Variants in BRCA1 observed in about 807,000 individuals in gnomAD.
BRCA1 encodes breast cancer type 1 susceptibility protein.
A neutral mutation model predicts 173.7 loss-of-function variants in BRCA1; 140 were observed. That is an observed-to-expected ratio of 0.81 (90% CI 0.70 to 0.93). The LOEUF is 0.93. Among genes scored for constraint, BRCA1 ranks in the 40% least tolerant of loss-of-function variants. The pLI is 0.00. For missense variants in BRCA1, 1,983 were observed against 2,172.5 expected (o/e 0.91, Z 1.73); for synonymous variants, 662 against 756.0 (o/e 0.88, Z 2.04).
At position 43,111,889 on chromosome 17, in the gene BRCA1, C is replaced by G. The variant is rs555468034; in HGVS notation, c.134+3837G>C. Among the ~76,000 whole-genome samples, 22 of 152,208 alleles carry G rather than the reference C, an allele frequency of 1.4e-4. No individual in the cohort carries two copies. The South Asian group carries it at 4.3e-3, about 30-fold the overall frequency. On this transcript the variant is annotated intron_variant, in intron 3 of 22. Transcript: ENST00000357654. ...AAAAAAAAGATTTCAGAACTTTAGGCTTGCTTGGGTCAATAAAGTTGTTTT... is the reference window on the plus strand; with the variant it reads ...AAAAAAAAGATTTCAGAACTTTAGGGTTGCTTGGGTCAATAAAGTTGTTTT...
At chr17:43,069,263 T>G (rs2052282366) in intron 15 of BRCA1, among the ~76,000 whole-genome samples, 1 of 152,264 alleles carries the variant, frequency 6.6e-6, no homozygotes, top group African/African-American at 2.4e-5. Flanking sequence ...AGAGCAATGC[T>G]GAACTGCTGA....
chr17:43,097,304 C>T lies in BRCA1; in HGVS notation c.548-15G>A, dbSNP rs755221482. ...AGAATCAGATCCTAAAAAATTTCCC[C>T]CCAAAAAATAAATCAATAAAAGTTT... On this transcript the variant is annotated splice_polypyrimidine_tract_variant and intron_variant, in intron 7 of 22. Coordinates refer to ENST00000357654, the MANE Select transcript of BRCA1 (RefSeq NM_007294.4). 6.2e-7 allele frequency: 1 copy of T among 1,608,874 alleles called. No individual in the cohort carries two copies. The highest frequency in any genetic ancestry group is 2.2e-5 in the East Asian group (1 of 44,782).
At chr17:43,048,996 G>T in intron 21 of BRCA1, 125 bp downstream of exon 21, 1 of 873,946 alleles carries the variant, frequency 1.1e-6, no homozygotes, top group Non-Finnish European at 1.9e-6. Context: ...TTTTGGCACA[G>T]GTATGTGGGC....
intron 1 of BRCA1, chr17:43,144,267 A>G: frequency 3.2e-6 from 1 of 307,700 alleles, no homozygotes; most frequent in Non-Finnish European, 6.5e-6. Flanking sequence ...GTAAGGGCGA[A>G]AAGCCCCCTA....
At chr17:43,134,255 C>T (rs1274641132) in intron 1 of BRCA1, among the ~76,000 whole-genome samples, 1 of 152,208 alleles carries the variant, frequency 6.6e-6, no homozygotes, top group Admixed American at 6.5e-5. Context: ...CTCCGCCCCC[C>T]TCCTTCATGA....
At chr17:43,056,399 G>A (rs189148733) in intron 19 of BRCA1, among the ~76,000 whole-genome samples, 51 of 152,140 alleles carry the variant, frequency 3.4e-4, no homozygotes, top group Admixed American at 6.6e-4. Context: ...GGCTGGTATC[G>A]AACTCCTTGG....
At chr17:43,143,022 GTATATATGTGTGTA>G (rs2056089801) in intron 1 of BRCA1, among the ~76,000 whole-genome samples, 1 of 148,598 alleles carries the variant, frequency 6.7e-6, no homozygotes, top group Admixed American at 6.8e-5. Context: ...GCATATATAT[GTATATATGTGTGTA>G]TATATATGTA....
chr17:43,168,221 T>C (rs1321005885), intron 1 of BRCA1: 2 of 427,796 alleles, frequency 4.7e-6, no homozygotes, highest in Non-Finnish European at 9.5e-6. Context: ...ATTTTGTACT[T>C]CTTCAACGCA....
chr17:43,164,279 G>A (rs1476510806), intron 1 of BRCA1: 3 of 152,152 alleles, frequency 2.0e-5, no homozygotes, highest in Non-Finnish European at 4.4e-5. Flanking sequence ...GACCAACTAC[G>A]GCATAAAAAC....
chr17:43,048,213 T>G (rs558287061), intron 21 of BRCA1, among the ~76,000 whole-genome samples: 3 of 151,798 alleles, frequency 2.0e-5, no homozygotes. Context: ...CTCTCTCTCT[T>G]TTTTTTTGAG....
At chr17:43,060,797 A>G (rs1246486486) in intron 18 of BRCA1, among the ~76,000 whole-genome samples, 1 of 151,980 alleles carries the variant, frequency 6.6e-6, no homozygotes, top group Non-Finnish European at 1.5e-5. Flanking sequence ...ACGAGCCACC[A>G]CACACGACCA....
intron 3 of BRCA1, among the ~76,000 whole-genome samples, chr17:43,111,337 T>A (rs539523845): frequency 5.3e-5 from 8 of 150,554 alleles, no homozygotes; most frequent in African/African-American, 2.0e-4. Flanking sequence ...CTGGCCAACA[T>A]AGTGAAACCC....
intron 1 of BRCA1, among the ~76,000 whole-genome samples, chr17:43,135,209 C>G (rs2056007671): frequency 6.6e-6 from 1 of 152,256 alleles, no homozygotes; most frequent in Non-Finnish European, 1.5e-5. Context: ...AAGGCCTTCT[C>G]TGGTGCAGCC....
chr17:43,052,229 G>A (rs1454974796), intron 19 of BRCA1, among the ~76,000 whole-genome samples: 1 of 152,194 alleles, frequency 6.6e-6, no homozygotes, highest in Non-Finnish European at 1.5e-5. Flanking sequence ...TAGTTATTGA[G>A]CACTGGAGAT....
intron 16 of BRCA1, among the ~76,000 whole-genome samples, chr17:43,064,345 A>G (rs908389427): frequency 6.6e-6 from 1 of 152,222 alleles, no homozygotes; most frequent in Admixed American, 6.5e-5. Flanking sequence ...GTGAAAGAAG[A>G]AAACAGTATT....
chr17:43,080,433 G>A (rs1043048494), intron 12 of BRCA1, among the ~76,000 whole-genome samples: 2 of 152,130 alleles, frequency 1.3e-5, no homozygotes, highest in African/African-American at 2.4e-5. Context: ...CCGACCTCAG[G>A]TGATTCGCCT....
intron 1 of BRCA1, among the ~76,000 whole-genome samples, chr17:43,134,267 C>A (rs2055997245): frequency 6.6e-6 from 1 of 152,182 alleles, no homozygotes; most frequent in Non-Finnish European, 1.5e-5. Flanking sequence ...CCTTCATGAT[C>A]CATGCTTTAA....
At chr17:43,126,478 G>C (rs560480468), upstream of BRCA1, among the ~76,000 whole-genome samples, 2 of 152,176 alleles carry the variant, frequency 1.3e-5, no homozygotes, top group South Asian at 4.1e-4. Flanking sequence ...GGTTAGCTAG[G>C]GGTGGGGTCA....
At chr17:43,048,159 G>T (rs556365659) in intron 21 of BRCA1, among the ~76,000 whole-genome samples, 25 of 152,188 alleles carry the variant, frequency 1.6e-4, no homozygotes, top group Admixed American at 1.5e-3. Context: ...GCCTCCCAGT[G>T]TTGTGATTAC....
Sources: gnomAD v4.1 joint callset for allele counts (sites outside exome capture counted in the v4.1 genomes callset) on GRCh38, gnomAD v4.1.1 for gene constraint, MANE v1.5 for transcripts, NCBI Gene and HGNC (gene_info 2026-07-23, HGNC 2026-07-21) for gene names.